Variants in BTBD9 observed in about 807,000 individuals in gnomAD.
BTBD9 encodes BTB domain containing 9, also known as BTB/POZ domain-containing protein 9.
BTBD9 carries 49 observed loss-of-function variants against 64.3 expected under a neutral mutation model. The ratio of observed to expected loss-of-function variants is 0.76; its 90% CI spans 0.61 to 0.97. The LOEUF is 0.97. Among genes scored for constraint, BTBD9 ranks in the 50% least tolerant of loss-of-function variants. The pLI, the probability that BTBD9 is intolerant of heterozygous loss-of-function variation, is 0.00. For synonymous variants in BTBD9, 260 were observed against 274.7 expected, an observed-to-expected ratio of 0.95 and a Z score of 0.53; for missense variants, 598 against 762.1, an observed-to-expected ratio of 0.78 and a Z score of 2.53.
intron 6 of BTBD9, among the ~76,000 whole-genome samples, chr6:38,552,981 C>T (rs1373623530): frequency 2.6e-5 from 4 of 152,286 alleles, no homozygotes; most frequent in South Asian, 4.1e-4. Flanking sequence ...GTATAACCTA[C>T]ACACAACCTT....
intron 9 of BTBD9, among the ~76,000 whole-genome samples, chr6:38,250,361 G>C (rs1010043484): frequency 6.6e-6 from 1 of 152,150 alleles, no homozygotes; most frequent in Non-Finnish European, 1.5e-5. Flanking sequence ...AAAACAAAAA[G>C]CTGTCTAATA....
At chr6:38,347,947 A>G (rs1764351178) in intron 6 of BTBD9, among the ~76,000 whole-genome samples, 1 of 152,184 alleles carries the variant, frequency 6.6e-6, no homozygotes, top group Admixed American at 6.6e-5. Context: ...CAGTGAGCTG[A>G]GATCGCGCCA....
At chr6:38,468,929 A>G (rs1484012709) in intron 6 of BTBD9, among the ~76,000 whole-genome samples, 1 of 152,188 alleles carries the variant, frequency 6.6e-6, no homozygotes, top group East Asian at 1.9e-4. Context: ...AACTTTGACT[A>G]TGTAGGGAAA....
At chr6:38,354,978 G>T (rs1764662170) in intron 6 of BTBD9, among the ~76,000 whole-genome samples, 1 of 152,006 alleles carries the variant, frequency 6.6e-6, no homozygotes. Flanking sequence ...GCCAAAACTA[G>T]TATAGATATG....
intron 6 of BTBD9, chr6:38,403,008 G>T (rs1421933163): frequency 3.9e-6 from 2 of 518,704 alleles, no homozygotes; most frequent in Non-Finnish European, 6.7e-6. Context: ...GGGACACAGA[G>T]GCTGCAGTGA....
chr6:38,268,646 CTCAGACTGACCT>C (rs1765097814), intron 8 of BTBD9, among the ~76,000 whole-genome samples: 1 of 152,230 alleles, frequency 6.6e-6, no homozygotes, highest in South Asian at 2.1e-4. Flanking sequence ...TCTCTTTCTT[CTCAGACTGACCT>C]TTTCACCCAA....
rs572576324 is a variant in BTBD9, at chr6:38,292,747, T to C, written c.1265-4286A>G. On this transcript the variant is annotated intron_variant, in intron 7 of 10. Coordinates refer to ENST00000481247, the MANE Select transcript of BTBD9 (RefSeq NM_001099272.2). Reference sequence around the variant, plus strand: ...AGTCTGGCTAGTGGTCTATCTATTTTGTCAATCTTTTCAAAAAACCAGCTC... The same window carrying C: ...AGTCTGGCTAGTGGTCTATCTATTTCGTCAATCTTTTCAAAAAACCAGCTC... 9.8e-5 allele frequency among the ~76,000 whole-genome samples: 15 copies of C among 152,330 alleles called. No individual in the cohort carries two copies. The South Asian group carries it at 2.1e-3, about 21-fold the overall frequency.
chr6:38,627,746 T>A (rs551987413), intron 1 of BTBD9, among the ~76,000 whole-genome samples: 18 of 152,274 alleles, frequency 1.2e-4, no homozygotes, highest in African/African-American at 4.3e-4. Flanking sequence ...GATTTTTTTT[T>A]AACAAATGAG....
chr6:38,549,187 G>C (rs530085199), intron 6 of BTBD9, among the ~76,000 whole-genome samples: 1 of 152,316 alleles, frequency 6.6e-6, no homozygotes, highest in South Asian at 2.1e-4. Flanking sequence ...GTATTCCAAT[G>C]AGCTATGAAC....
chr6:38,357,470 G>A (rs973780986), intron 6 of BTBD9, among the ~76,000 whole-genome samples: 7 of 152,150 alleles, frequency 4.6e-5, no homozygotes, highest in African/African-American at 1.7e-4. Context: ...AAGGGAGTGA[G>A]AATTGATGTG....
intron 6 of BTBD9, among the ~76,000 whole-genome samples, chr6:38,499,144 C>CA (rs758511920): frequency 0.082 from 11,674 of 142,154 alleles, 497 homozygotes; most frequent in Non-Finnish European, 0.11. Flanking sequence ...AGCAATACAC[C>CA]AAAAAAAAAA....
chr6:38,222,106 A>G (rs1311171059), intron 9 of BTBD9, among the ~76,000 whole-genome samples: 4 of 152,138 alleles, frequency 2.6e-5, no homozygotes, highest in Non-Finnish European at 4.4e-5. Context: ...GCCAAGGAAG[A>G]GACTGGTCTA....
In BTBD9 at chr6:38,505,964, C is replaced by CCAAAAAAAAAAAAAA. The variant is rs1772478976; in HGVS notation, c.1154+71635_1154+71636insTTTTTTTTTTTTTTG. ...TGGCAACAGCATGGCTCCGTCTCAA[C>CCAAAAAAAAAAAAAA]AAAAAAAAAAAAAAAAAAAAGGAAC... On this transcript the variant is annotated intron_variant, in intron 6 of 10. Transcript: ENST00000481247. Among the ~76,000 whole-genome samples the CCAAAAAAAAAAAAAA allele has an allele frequency of 7.3e-5, 6 of 82,628 alleles. 1 individual carries two copies. Among genetic ancestry groups the CCAAAAAAAAAAAAAA allele is most frequent in the African/African-American group, 2.0e-4 (5 of 24,428 alleles). 54.2% of individuals were successfully genotyped at this position (82,628 alleles called of 152,430 possible). A position where few individuals can be genotyped will look rare whatever the true frequency, so the allele number is the denominator to read the frequency against.
intron 6 of BTBD9, among the ~76,000 whole-genome samples, chr6:38,570,385 T>C (rs1014297191): frequency 9.9e-5 from 15 of 152,218 alleles, no homozygotes; most frequent in African/African-American, 3.6e-4. Context: ...AATTTAGCTT[T>C]TCTAAGGCTC....
intron 6 of BTBD9, among the ~76,000 whole-genome samples, chr6:38,515,465 A>C (rs528371075): frequency 6.6e-6 from 1 of 152,372 alleles, no homozygotes; most frequent in East Asian, 1.9e-4. Context: ...AAAAGCCAGT[A>C]AACTAACACT....
intron 6 of BTBD9, among the ~76,000 whole-genome samples, chr6:38,552,481 A>G (rs1422910860): frequency 6.6e-6 from 1 of 152,192 alleles, no homozygotes; most frequent in Non-Finnish European, 1.5e-5. Context: ...TCAAAGATTA[A>G]TGAAAAAATA....
chr6:38,439,110 CTTTTTTT>C (rs35699356), intron 6 of BTBD9, among the ~76,000 whole-genome samples: 4 of 64,066 alleles, frequency 6.2e-5, no homozygotes, highest in African/African-American at 2.1e-4. Context: ...TAGCAACTGA[CTTTTTTT>C]TTTTTTTTTT....
intron 6 of BTBD9, among the ~76,000 whole-genome samples, chr6:38,535,850 T>G (rs912738042): frequency 6.6e-6 from 1 of 151,998 alleles, no homozygotes; most frequent in African/African-American, 2.4e-5. Flanking sequence ...CAAGTCAAAA[T>G]GGATTAAAGA....
At chr6:38,301,028 C>T (rs200459464) in intron 7 of BTBD9, among the ~76,000 whole-genome samples, 35 of 152,228 alleles carry the variant, frequency 2.3e-4, no homozygotes, top group African/African-American at 7.5e-4. Context: ...TTTTGAGATA[C>T]GTCCCATCGA....
Sources: allele counts gnomAD v4.1 joint callset (sites outside exome capture counted in the v4.1 genomes callset), GRCh38; gene constraint gnomAD v4.1.1; transcripts MANE v1.5; gene names NCBI Gene and HGNC (gene_info 2026-07-23, HGNC 2026-07-21).